Variants in PTPN3 observed in about 807,000 individuals in gnomAD.
The protein encoded by PTPN3 is tyrosine-protein phosphatase non-receptor type 3.
A neutral mutation model predicts 132.7 loss-of-function variants in PTPN3; 96 were observed. That is an observed-to-expected ratio of 0.72 (90% CI 0.61 to 0.86). The LOEUF (loss-of-function observed/expected upper bound fraction) is 0.86, where lower values mean the gene tolerates loss of function less well. PTPN3 is among the 40% of genes least tolerant of loss of function. PTPN3 has a pLI of 0.00. For synonymous variants in PTPN3, 398 were observed against 429.0 expected (o/e 0.93, Z 0.89); for missense variants, 1,125 against 1,159.6 (o/e 0.97, Z 0.43).
At chr9:109,408,893 C>A (rs1841836835) in intron 16 of PTPN3, among the ~76,000 whole-genome samples, 2 of 134,740 alleles carry the variant, frequency 1.5e-5, no homozygotes, top group Admixed American at 8.2e-5. Flanking sequence ...GGGCTTTCAG[C>A]AGAGGCGAGC....
chr9:109,516,202 G>C, the PTPN3 span, among the ~76,000 whole-genome samples: 1 of 152,230 alleles, frequency 6.6e-6, no homozygotes, highest in Non-Finnish European at 1.5e-5. Flanking sequence ...CACTCGTGAT[G>C]ATAGGAAGAT....
chr9:109,406,413 C>T, intron 18 of PTPN3, 49 bp downstream of exon 18: 2 of 1,583,350 alleles, frequency 1.3e-6, no homozygotes, highest in Non-Finnish European at 1.7e-6. Context: ...GCAGGCGCAG[C>T]TTGGCTAGGA....
At chr9:109,457,490 T>C (rs774519578) in intron 2 of PTPN3, 91 bp from the exon 3 acceptor site, 3 of 998,748 alleles carry the variant, frequency 3.0e-6, no homozygotes, top group Non-Finnish European at 4.5e-6. Context: ...GTTAAAATAT[T>C]CAGAAATGCT....
intron 1 of PTPN3, among the ~76,000 whole-genome samples, chr9:109,464,221 T>C (rs1459969929): frequency 6.6e-6 from 1 of 152,238 alleles, no homozygotes; most frequent in African/African-American, 2.4e-5. Context: ...AACTGCTGAA[T>C]AGTATCTACT....
At chr9:109,531,788 A>G in the PTPN3 span, among the ~76,000 whole-genome samples, 1 of 152,014 alleles carries the variant, frequency 6.6e-6, no homozygotes, top group African/African-American at 2.4e-5. Flanking sequence ...CTGGATCCCA[A>G]CACTTGATTC....
chr9:109,460,674 A>G (rs527447942), intron 2 of PTPN3, among the ~76,000 whole-genome samples: 3 of 152,052 alleles, frequency 2.0e-5, no homozygotes, highest in African/African-American at 7.2e-5. Context: ...TCATCTCATC[A>G]GTGGGGACGT....
At chr9:109,513,872 G>A in the PTPN3 span, among the ~76,000 whole-genome samples, 2 of 152,148 alleles carry the variant, frequency 1.3e-5, no homozygotes, top group Non-Finnish European at 2.9e-5. Context: ...AATATTTGAT[G>A]TAAATGGCTA....
At position 109,488,894 on chromosome 9, in the gene PTPN3, A is replaced by C. The variant is rs1025665320; in HGVS notation, c.-18+9325T>G. Among the ~76,000 whole-genome samples, 40 of 152,136 alleles carry C rather than the reference A, an allele frequency of 2.6e-4. 1 individual carries two copies. Among genetic ancestry groups the C allele is most frequent in the Non-Finnish European group, 4.4e-5 (3 of 68,026 alleles). ...TGCATCTACTGTCCATCCAATGCCC[A>C]TCCTCTTCTGCCTGGGTCCCCAATG... On this transcript the variant is annotated intron_variant, in intron 1 of 25. Coordinates refer to ENST00000374541, the MANE Select transcript of PTPN3 (RefSeq NM_002829.4).
upstream of PTPN3, among the ~76,000 whole-genome samples, chr9:109,500,887 A>G (rs1269954172): frequency 2.0e-5 from 3 of 150,120 alleles, no homozygotes; most frequent in Non-Finnish European, 4.4e-5. Flanking sequence ...TGATGGCACC[A>G]TTTGTACTTC....
intron 1 of PTPN3, among the ~76,000 whole-genome samples, chr9:109,470,585 ATT>A (rs1846330138): frequency 6.6e-6 from 1 of 151,788 alleles, no homozygotes; most frequent in Non-Finnish European, 1.5e-5. Context: ...AGTCCTAGGT[ATT>A]TGGGAGGCTG....
intron 22 of PTPN3, among the ~76,000 whole-genome samples, chr9:109,385,465 A>G (rs952078275): frequency 6.6e-6 from 1 of 152,202 alleles, no homozygotes; most frequent in African/African-American, 2.4e-5. Context: ...CTTGGCTTCA[A>G]AACAACCCTA....
intron 7 of PTPN3, among the ~76,000 whole-genome samples, chr9:109,439,114 T>C (rs1300319327): frequency 1.3e-5 from 2 of 152,152 alleles, no homozygotes; most frequent in Non-Finnish European, 2.9e-5. Flanking sequence ...GCTCAACCTG[T>C]ACAAGTGTCC....
chr9:109,410,565 A>G, intron 14 of PTPN3, 150 bp from the exon 15 acceptor site: 1 of 848,952 alleles, frequency 1.2e-6, no homozygotes, highest in Non-Finnish European at 1.8e-6. Flanking sequence ...GAGTACACCC[A>G]GGGCCCACTG....
chr9:109,520,526 CT>C, the PTPN3 span, among the ~76,000 whole-genome samples: 1 of 152,258 alleles, frequency 6.6e-6, no homozygotes. Flanking sequence ...AACATGCTTG[CT>C]GTGCTGGGGA....
Position 109,410,085 on chromosome 9 carries a change from C to T in PTPN3, c.1501-9G>A, listed in dbSNP as rs373986981. 1.2e-5 allele frequency: 19 copies of T among 1,614,004 alleles called. No individual in the cohort carries two copies. Among genetic ancestry groups the T allele is most frequent in the East Asian group, 4.5e-5 (2 of 44,886 alleles). On this transcript the variant is annotated splice_polypyrimidine_tract_variant and intron_variant, in intron 15 of 25. Coordinates refer to ENST00000374541, the MANE Select transcript of PTPN3 (RefSeq NM_002829.4). The stretch of plus-strand genomic sequence containing the variant: ...CTGTCACCATTATCATTCTGGAAAA[C>T]GGTTTGAAAGTGGTCATTTGCATCA...
chr9:109,449,018 G>A, intron 5 of PTPN3, 163 bp from the exon 6 acceptor site: 1 of 1,427,986 alleles, frequency 7.0e-7, no homozygotes, highest in Non-Finnish European at 9.1e-7. Flanking sequence ...GCTCTGCAAA[G>A]CTGCCCTGTC....
chr9:109,429,212 A>G (rs1843495332), intron 10 of PTPN3, among the ~76,000 whole-genome samples: 1 of 152,200 alleles, frequency 6.6e-6, no homozygotes, highest in Non-Finnish European at 1.5e-5. Flanking sequence ...CCCTGCAACA[A>G]TCCTGAAAAG....
chr9:109,533,874 C>G, the PTPN3 span: 7 of 769,882 alleles, frequency 9.1e-6, no homozygotes, highest in Admixed American at 9.6e-5. Flanking sequence ...GGTGGAGGAC[C>G]CCTACGACGT....
At chr9:109,528,807 G>A in the PTPN3 span, among the ~76,000 whole-genome samples, 1 of 152,072 alleles carries the variant, frequency 6.6e-6, no homozygotes, top group African/African-American at 2.4e-5. Context: ...TTCCTTGTGT[G>A]TGTGTGTATG....
Sources: gnomAD v4.1 joint callset for allele counts (sites outside exome capture counted in the v4.1 genomes callset) on GRCh38, gnomAD v4.1.1 for gene constraint, MANE v1.5 for transcripts, NCBI Gene and HGNC (gene_info 2026-07-23, HGNC 2026-07-21) for gene names.